The following PCDHGB3 variants were observed in gnomAD, a reference collection of about 807,000 sequenced individuals.
PCDHGB3 encodes protocadherin gamma-B3.
A neutral mutation model predicts 59.2 loss-of-function variants in PCDHGB3; 40 were observed. The observed-to-expected ratio is 0.68, with a 90% confidence interval of 0.52 to 0.88. The LOEUF (loss-of-function observed/expected upper bound fraction) is 0.88, where lower values mean the gene tolerates loss of function less well. Among genes scored for constraint, PCDHGB3 ranks in the 40% least tolerant of loss-of-function variants. The pLI is 0.00. For missense variants in PCDHGB3, 1,309 were observed against 1,187.9 expected (o/e 1.10, Z -1.50); for synonymous variants, 581 against 503.6 (o/e 1.15, Z -2.06).
chr5:141,378,222 A>G (rs574464825), intron 1 of PCDHGB3: 1 of 152,350 alleles, frequency 6.6e-6, no homozygotes, highest in South Asian at 2.1e-4. Flanking sequence ...TGTGTGCCTG[A>G]TAGTATTTAA....
intron 1 of PCDHGB3, chr5:141,441,971 G>A: frequency 3.3e-6 from 1 of 298,820 alleles, no homozygotes; most frequent in Non-Finnish European, 6.5e-6. Flanking sequence ...AGGCTCTTCA[G>A]CCTGGAATGC....
At position 141,490,440 on chromosome 5, in the gene PCDHGB3, T is replaced by C. The variant is rs560525159; in HGVS notation, c.2416-4367T>C. On this transcript the variant is annotated intron_variant, in intron 1 of 3. Transcript: ENST00000576222. This position sits in a 1 kb window ranked among gnomAD's most constrained non-coding sequence, Gnocchi z 5.4. ...ACCTGCCATTTCAGATTAAGCCTTC[T>C]GAGAACCACTACTCGCTGCTAACCA... 7 of 1,614,206 alleles carry C rather than the reference T, an allele frequency of 4.3e-6. No homozygotes were observed. Among genetic ancestry groups the C allele is most frequent in the Non-Finnish European group, 5.9e-6 (7 of 1,180,040 alleles).
At position 141,372,254 on chromosome 5, in the gene PCDHGB3, C is replaced by G; in HGVS notation, c.1860C>G (p.Gly620=). The change falls in exon 1 of 4, where the codon GGC becomes GGG. Residue 620 remains glycine, a synonymous_variant. Coordinates refer to ENST00000576222, the MANE Select transcript of PCDHGB3 (RefSeq NM_018924.5). ...QASEPGLFSL[G]LRTGEVRTAR... is the part of the protein sequence containing the mutation. ...GCGAGCCCGGGCTGTTCAGCCTGGG[C>G]CTGCGCACGGGTGAGGTGCGCACGG... is the stretch of plus-strand genomic sequence containing the variant. 6.2e-7 allele frequency: 1 copy of G among 1,613,086 alleles called. No homozygotes were observed. Among genetic ancestry groups the G allele is most frequent in the Non-Finnish European group, 8.5e-7 (1 of 1,179,722 alleles).
intron 2 of PCDHGB3, among the ~76,000 whole-genome samples, chr5:141,499,314 A>C (rs2099791047): frequency 6.6e-6 from 1 of 152,238 alleles, no homozygotes; most frequent in Non-Finnish European, 1.5e-5. Context: ...TCTGAGAGAC[A>C]GTATCCCTGC....
At position 141,371,611 on chromosome 5, in the gene PCDHGB3, C is replaced by T. The variant is rs561217101; in HGVS notation, c.1217C>T (p.Thr406Ile). The change falls in exon 1 of 4, where the codon ACA becomes ATA. Residue 406 changes from threonine (T) to isoleucine (I), a missense_variant. Transcript: ENST00000576222. ...ACCAAAAACACATACAGGTTGGTGACAGATGGAGCCCTGGACCGGGAGCAG... is the reference window on the plus strand; with the variant it reads ...ACCAAAAACACATACAGGTTGGTGATAGATGGAGCCCTGGACCGGGAGCAG... ...QDTKNTYRLV[T>I]DGALDREQIP... The T allele has an allele frequency of 6.2e-7, 1 of 1,613,878 alleles. No individual in the cohort carries two copies.
Position 141,392,774 on chromosome 5 carries a change from C to A in PCDHGB3, c.2415+19965C>A, listed in dbSNP as rs752798314. The A allele has an allele frequency of 2.0e-6, 3 of 1,520,452 alleles. No homozygotes were observed. The South Asian group carries it at 3.9e-5, about 20-fold the overall frequency. The allele number at this position is 1,520,452 out of a possible 1,614,324, so 94.2% of individuals were successfully genotyped here. A position where few individuals can be genotyped will look rare whatever the true frequency, so the allele number is the denominator to read the frequency against. On this transcript the variant is annotated intron_variant, in intron 1 of 3. Coordinates refer to ENST00000576222, the MANE Select transcript of PCDHGB3 (RefSeq NM_018924.5). ...AGAAACTAAATAAGACCCATTTATG[C>A]ACAGTGAAGATTCTGAGAGGATTCT...
At chr5:141,448,223 T>C (rs1377619033) in intron 1 of PCDHGB3, among the ~76,000 whole-genome samples, 1 of 152,204 alleles carries the variant, frequency 6.6e-6, no homozygotes, top group Non-Finnish European at 1.5e-5. Context: ...TGCGAATGTA[T>C]GTGTGGGGTT....
In PCDHGB3 at chr5:141,372,116, C is replaced by T; in HGVS notation, c.1722C>T (p.Leu574=). ...CTCTGGGGCCCGAAGGCTCTGCGCT[C>T]TTCGATATGGTGCCGCGCTCTGCAG... ...YPALGPEGSA[L]FDMVPRSAEP... Residue 574 remains leucine (L), a synonymous_variant, in exon 1 of 4, where the codon CTC becomes CTT. Coordinates refer to ENST00000576222, the MANE Select transcript of PCDHGB3 (RefSeq NM_018924.5). The T allele has an allele frequency of 6.2e-7, 1 of 1,613,806 alleles. No individual in the cohort carries two copies. Among genetic ancestry groups the T allele is most frequent in the Non-Finnish European group, 8.5e-7 (1 of 1,179,950 alleles).
chr5:141,456,578 C>G (rs959608396), intron 1 of PCDHGB3, among the ~76,000 whole-genome samples: 10 of 152,182 alleles, frequency 6.6e-5, no homozygotes, highest in African/African-American at 1.7e-4. Flanking sequence ...TTTCCCTGAG[C>G]CTGTCAATAA....
At chr5:141,482,936 G>T (rs2099574800) in intron 1 of PCDHGB3, among the ~76,000 whole-genome samples, 1 of 152,050 alleles carries the variant, frequency 6.6e-6, no homozygotes, top group Admixed American at 6.5e-5. Context: ...AGCCAGGTGT[G>T]GTTGTGGGTG....
Position 141,371,742 on chromosome 5 carries a change from C to T in PCDHGB3, c.1348C>T (p.Pro450Ser), listed in dbSNP as rs773429109. Reference protein sequence around the residue: ...LHILDVNDNVPVFHQASYTVH... With the variant: ...LHILDVNDNVSVFHQASYTVH... ...CATCCTTGATGTCAACGACAACGTT[C>T]CCGTTTTCCACCAGGCCTCCTACAC... Residue 450 changes from proline (P) to serine (S), a missense_variant, in exon 1 of 4, where the codon CCC becomes TCC. By Grantham distance (74) the Pro-to-Ser change is moderately conservative. Transcript: ENST00000576222. 16 of 1,613,950 alleles carry T rather than the reference C, an allele frequency of 9.9e-6. No individual in the cohort carries two copies. The highest frequency in any genetic ancestry group is 1.6e-4 in the Middle Eastern group (1 of 6,084).
At chr5:141,384,823 C>T (rs1780554130) in intron 1 of PCDHGB3, 1 of 1,613,490 alleles carries the variant, frequency 6.2e-7, no homozygotes, top group South Asian at 1.1e-5. Flanking sequence ...CAAGCAGAGC[C>T]TCGTGGTGGC....
At chr5:141,388,250 G>A in intron 1 of PCDHGB3, 1 of 1,610,522 alleles carries the variant, frequency 6.2e-7, no homozygotes, top group Middle Eastern at 1.7e-4. Flanking sequence ...TGAATGTGGA[G>A]ATCGAGGACA....
At chr5:141,469,770 A>G (rs1003620088) in intron 1 of PCDHGB3, among the ~76,000 whole-genome samples, 4 of 152,234 alleles carry the variant, frequency 2.6e-5, no homozygotes, top group Non-Finnish European at 5.9e-5. Flanking sequence ...ATACCAGCTT[A>G]TTTATTACAG....
At chr5:141,393,363 A>T (rs1464639963) in intron 1 of PCDHGB3, 1 of 1,613,930 alleles carries the variant, frequency 6.2e-7, no homozygotes, top group South Asian at 1.1e-5. Flanking sequence ...GGACGTGCAG[A>T]CTGGAGACAA....
At chr5:141,458,563 G>T (rs1181785251) in intron 1 of PCDHGB3, among the ~76,000 whole-genome samples, 1 of 140,116 alleles carries the variant, frequency 7.1e-6, no homozygotes, top group Non-Finnish European at 1.5e-5. Context: ...TTTTGGTTTT[G>T]GGTTTTTGTT....
rs1562052190 is a variant in PCDHGB3, at chr5:141,476,218, CTA to C, written c.2416-18587_2416-18586del. The C allele has an allele frequency of 6.2e-7, 1 of 1,613,984 alleles. No individual in the cohort carries two copies. The highest frequency in any genetic ancestry group is 8.5e-7 in the Non-Finnish European group (1 of 1,180,024). ...TGAACAAGGCTTCCACGGTCATTCA[CTA>C]TGAGATCCCGGAGGAAAGAGAGAAG... On this transcript the variant is annotated intron_variant, in intron 1 of 3. Coordinates refer to ENST00000576222, the MANE Select transcript of PCDHGB3 (RefSeq NM_018924.5). This position sits in a 1 kb window ranked among gnomAD's most constrained non-coding sequence, Gnocchi z 7.6.
chr5:141,500,937 C>G (rs910002814), intron 2 of PCDHGB3, among the ~76,000 whole-genome samples: 1 of 151,804 alleles, frequency 6.6e-6, no homozygotes, highest in Non-Finnish European at 1.5e-5. Context: ...GGCGCCATCT[C>G]GGCTCACTGC....
At position 141,491,856 on chromosome 5, in the gene PCDHGB3, C is replaced by T; in HGVS notation, c.2416-2951C>T. 1.4e-6 allele frequency: 2 copies of T among 1,458,728 alleles called. No individual in the cohort carries two copies. Among genetic ancestry groups the T allele is most frequent in the Non-Finnish European group, 1.8e-6 (2 of 1,103,072 alleles). 90.4% of individuals were successfully genotyped at this position (1,458,728 alleles called of 1,614,324 possible). A position where few individuals can be genotyped will look rare whatever the true frequency, so the allele number is the denominator to read the frequency against. ...TCTCGGGATCATTGGACCGTTTGCG[C>T]GAAACCAGAGTGGCCGATTAAGGGA... On this transcript the variant is annotated intron_variant, in intron 1 of 3. Coordinates refer to ENST00000576222, the MANE Select transcript of PCDHGB3 (RefSeq NM_018924.5). The surrounding 1 kb of genome is among the most constrained non-coding windows in gnomAD (Gnocchi z 6.9).
Sources: gnomAD v4.1 joint callset for allele counts (sites outside exome capture counted in the v4.1 genomes callset) on GRCh38, gnomAD v4.1.1 for gene constraint, Gnocchi (gnomAD v3.1) non-coding constraint, MANE v1.5 for transcripts, NCBI Gene and HGNC (gene_info 2026-07-23, HGNC 2026-07-21) for gene names.